The following GPC5 variants were observed in gnomAD, a reference collection of about 807,000 sequenced individuals.
GPC5 encodes glypican 5, also known as glypican-5.
In GPC5, 47 loss-of-function variants were observed where a neutral mutation model predicts 53.9. The observed-to-expected ratio is 0.87, with a 90% confidence interval of 0.69 to 1.11. The LOEUF (loss-of-function observed/expected upper bound fraction) is 1.11, where lower values mean the gene tolerates loss of function less well. GPC5 is among the 50% of genes most tolerant of loss of function. GPC5 has a pLI of 0.00. For synonymous variants in GPC5, 286 were observed against 263.3 expected (o/e 1.09, Z -0.84); for missense variants, 748 against 713.1 (o/e 1.05, Z -0.56).
intron 5 of GPC5, among the ~76,000 whole-genome samples, chr13:91,781,532 A>T (rs898595936): frequency 1.3e-5 from 2 of 152,164 alleles, no homozygotes; most frequent in Non-Finnish European, 2.9e-5. Flanking sequence ...ATATAAACAA[A>T]ACTTAAGCAT....
chr13:92,298,588 C>T (rs1322205173), intron 7 of GPC5, among the ~76,000 whole-genome samples: 1 of 152,206 alleles, frequency 6.6e-6, no homozygotes, highest in Non-Finnish European at 1.5e-5. Flanking sequence ...TAATCTGGGC[C>T]TTCAGTTTTC....
intron 7 of GPC5, among the ~76,000 whole-genome samples, chr13:92,415,058 A>C (rs1304505612): frequency 6.6e-6 from 1 of 152,196 alleles, no homozygotes. Flanking sequence ...AGAAGCGTGC[A>C]CCTGTTCAAA....
At chr13:92,152,951 T>A (rs1456932565) in intron 7 of GPC5, among the ~76,000 whole-genome samples, 1 of 152,182 alleles carries the variant, frequency 6.6e-6, no homozygotes, top group Non-Finnish European at 1.5e-5. Context: ...ATAACTTTTA[T>A]AAAAAATACA....
At chr13:92,670,023 A>G (rs984712927) in intron 7 of GPC5, among the ~76,000 whole-genome samples, 1 of 152,170 alleles carries the variant, frequency 6.6e-6, no homozygotes, top group Non-Finnish European at 1.5e-5. Context: ...TCCTCTTAAC[A>G]TATAAACTCC....
intron 7 of GPC5, among the ~76,000 whole-genome samples, chr13:92,679,023 G>GA (rs576939035): frequency 1.8e-3 from 281 of 152,244 alleles, no homozygotes; most frequent in African/African-American, 6.7e-3. Flanking sequence ...AATGGATTAA[G>GA]AAAAGAAAGA....
At chr13:92,398,338 A>C (rs967495521) in intron 7 of GPC5, among the ~76,000 whole-genome samples, 12 of 145,336 alleles carry the variant, frequency 8.3e-5, no homozygotes, top group Non-Finnish European at 1.7e-4. Flanking sequence ...CTGAGGCAGG[A>C]GAATGGCGTG....
rs192875662 is a variant in GPC5, at chr13:92,392,594, A to G, written c.1561+247605A>G. Reference sequence around the variant, plus strand: ...TAAGAACTTCTACACAGCAGAAGAAACTATGAACAGAGTAAACAGACAACC... The same window carrying G: ...TAAGAACTTCTACACAGCAGAAGAAGCTATGAACAGAGTAAACAGACAACC... On this transcript the variant is annotated intron_variant, in intron 7 of 7. Transcript: ENST00000377067. 2.0e-3 allele frequency among the ~76,000 whole-genome samples: 302 copies of G among 152,354 alleles called. 1 individual carries two copies. Among genetic ancestry groups the G allele is most frequent in the Non-Finnish European group, 3.4e-3 (233 of 68,024 alleles).
At chr13:92,116,885 T>C (rs1020192365) in intron 6 of GPC5, among the ~76,000 whole-genome samples, 3 of 152,238 alleles carry the variant, frequency 2.0e-5, no homozygotes, top group African/African-American at 7.2e-5. Context: ...TCATTTTTTG[T>C]TGGGTTGATG....
chr13:92,613,319 AAT>A (rs1884507354), intron 7 of GPC5, among the ~76,000 whole-genome samples: 6 of 103,306 alleles, frequency 5.8e-5, no homozygotes, highest in Non-Finnish European at 1.1e-4. Flanking sequence ...GTATATAATA[AAT>A]ATTTATATAA....
intron 7 of GPC5, among the ~76,000 whole-genome samples, chr13:92,306,999 T>A (rs1384549299): frequency 2.6e-5 from 4 of 152,316 alleles, no homozygotes; most frequent in Non-Finnish European, 5.9e-5. Flanking sequence ...AATACTTCTT[T>A]TTTTCTTCTG....
intron 7 of GPC5, among the ~76,000 whole-genome samples, chr13:92,407,770 A>T (rs575451317): frequency 7.7e-4 from 117 of 152,320 alleles, no homozygotes; most frequent in Non-Finnish European, 1.5e-3. Context: ...ATATTAAGAC[A>T]TAAAAAATGT....
At chr13:92,602,015 T>G (rs1884074478) in intron 7 of GPC5, among the ~76,000 whole-genome samples, 1 of 151,284 alleles carries the variant, frequency 6.6e-6, no homozygotes, top group Admixed American at 6.6e-5. Flanking sequence ...TTTTAGCATT[T>G]ATGTATATAC....
intron 5 of GPC5, among the ~76,000 whole-genome samples, chr13:91,848,815 G>T (rs2038880647): frequency 6.6e-6 from 1 of 152,108 alleles, no homozygotes; most frequent in Admixed American, 6.6e-5. Flanking sequence ...AAAGTCAATT[G>T]TTACGCAAAT....
chr13:92,827,154 G>C (rs1210829377), intron 7 of GPC5, among the ~76,000 whole-genome samples: 1 of 152,062 alleles, frequency 6.6e-6, no homozygotes, highest in Non-Finnish European at 1.5e-5. Flanking sequence ...GGGGGAGAGA[G>C]AAAGGAGACA....
intron 3 of GPC5, among the ~76,000 whole-genome samples, chr13:91,726,621 T>G (rs1200615416): frequency 6.6e-6 from 1 of 152,230 alleles, no homozygotes; most frequent in Non-Finnish European, 1.5e-5. Flanking sequence ...ACCTACCCTC[T>G]GAGGACTTTT....
chr13:92,239,495 C>T (rs756418922), intron 7 of GPC5, among the ~76,000 whole-genome samples: 26 of 151,836 alleles, frequency 1.7e-4, no homozygotes, highest in Non-Finnish European at 3.5e-4. Context: ...CATTTGGTTC[C>T]AATATATACA....
chr13:91,963,493 A>G (rs1340275221), intron 6 of GPC5, among the ~76,000 whole-genome samples: 4 of 152,190 alleles, frequency 2.6e-5, no homozygotes, highest in African/African-American at 7.2e-5. Flanking sequence ...AAATGGAAAC[A>G]TTTGTTTTGG....
chr13:92,325,514 A>C (rs185434617), intron 7 of GPC5, among the ~76,000 whole-genome samples: 1 of 152,082 alleles, frequency 6.6e-6, no homozygotes, highest in Admixed American at 6.6e-5. Flanking sequence ...TGTGATTCTT[A>C]AGGATGATTG....
intron 7 of GPC5, among the ~76,000 whole-genome samples, chr13:92,434,894 A>G (rs1383725243): frequency 6.6e-6 from 1 of 152,154 alleles, no homozygotes; most frequent in Non-Finnish European, 1.5e-5. Flanking sequence ...TGCTATCAAT[A>G]TAACCATTAA....
Sources: gnomAD v4.1 joint callset for allele counts (sites outside exome capture counted in the v4.1 genomes callset) on GRCh38, gnomAD v4.1.1 for gene constraint, MANE v1.5 for transcripts, NCBI Gene and HGNC (gene_info 2026-07-23, HGNC 2026-07-21) for gene names.